Variants in TET1 observed in about 807,000 individuals in gnomAD.
TET1 encodes methylcytosine dioxygenase TET1.
In TET1, 13 loss-of-function variants were observed where a neutral mutation model predicts 148.7. The ratio of observed to expected loss-of-function variants is 0.09; its 90% confidence interval spans 0.06 to 0.14. TET1 has a LOEUF of 0.14. TET1 is among the 10% of genes least tolerant of loss of function. The pLI is 1.00. For missense variants in TET1, 2,182 were observed against 2,553.8 expected, an observed-to-expected ratio of 0.85 and a Z score of 3.14; for synonymous variants, 907 against 937.2, an observed-to-expected ratio of 0.97 and a Z score of 0.59.
At chr10:68,574,536 A>G (rs7911148) in intron 2 of TET1, among the ~76,000 whole-genome samples, 74,990 of 152,088 alleles carry the variant, frequency 0.49, 19,120 homozygotes, top group East Asian at 0.56. Context: ...TGATGGAAAC[A>G]TAGAGAAATT....
intron 3 of TET1, among the ~76,000 whole-genome samples, chr10:68,610,937 G>C (rs2054200241): frequency 2.6e-5 from 4 of 152,276 alleles, no homozygotes; most frequent in Admixed American, 2.6e-4. Context: ...ACCTTGCCCA[G>C]CTAGTAATTT....
At chr10:68,592,171 C>T (rs559221755) in intron 2 of TET1, among the ~76,000 whole-genome samples, 81 of 151,920 alleles carry the variant, frequency 5.3e-4, no homozygotes, top group Non-Finnish European at 1.0e-3. Flanking sequence ...CAAAAATTAG[C>T]TGGGCATGGT....
intron 6 of TET1, among the ~76,000 whole-genome samples, chr10:68,653,032 C>T (rs771902036): frequency 3.3e-5 from 5 of 151,420 alleles, no homozygotes; most frequent in Non-Finnish European, 5.9e-5. Flanking sequence ...GTGGTTTTAC[C>T]AGTTAGATTT....
intron 2 of TET1, among the ~76,000 whole-genome samples, chr10:68,597,029 G>GTTTTTTTTTT (rs1446597252): frequency 2.2e-5 from 2 of 90,298 alleles, no homozygotes; most frequent in African/African-American, 9.3e-5. Context: ...ACAGCTAATG[G>GTTTTTTTTTT]ATTTTTTTTT....
At chr10:68,649,389 C>T (rs936246641) in intron 4 of TET1, among the ~76,000 whole-genome samples, 10 of 152,096 alleles carry the variant, frequency 6.6e-5, no homozygotes, top group East Asian at 3.9e-4. Flanking sequence ...GGGCAGATCA[C>T]GAGGTCAGGA....
chr10:68,603,865 TG>T (rs1176871606), intron 3 of TET1, among the ~76,000 whole-genome samples: 1 of 152,240 alleles, frequency 6.6e-6, no homozygotes, highest in Non-Finnish European at 1.5e-5. Flanking sequence ...ATCTAAATCC[TG>T]ATTAGAGATT....
intron 3 of TET1, among the ~76,000 whole-genome samples, chr10:68,643,605 G>C (rs887229320): frequency 1.3e-5 from 2 of 151,970 alleles, no homozygotes; most frequent in Non-Finnish European, 2.9e-5. Flanking sequence ...CAGATCACCA[G>C]AGGTCAGGAG....
intron 8 of TET1, among the ~76,000 whole-genome samples, chr10:68,677,889 G>T (rs756727852): frequency 6.6e-6 from 1 of 152,154 alleles, no homozygotes; most frequent in Non-Finnish European, 1.5e-5. Flanking sequence ...CAAACTGCTG[G>T]GATTACAGGC....
At chr10:68,633,114 G>A (rs2054601063) in intron 3 of TET1, among the ~76,000 whole-genome samples, 1 of 152,064 alleles carries the variant, frequency 6.6e-6, no homozygotes, top group Non-Finnish European at 1.5e-5. Flanking sequence ...AACCCAGGAG[G>A]TGGAGGTTGC....
At chr10:68,666,351 C>T (rs942738130) in intron 6 of TET1, among the ~76,000 whole-genome samples, 2 of 152,186 alleles carry the variant, frequency 1.3e-5, no homozygotes, top group Non-Finnish European at 2.9e-5. Flanking sequence ...ACCACAGAGG[C>T]ATTCCTTTGT....
chr10:68,624,654 TTCTTTC>T (rs1192639091), intron 3 of TET1, among the ~76,000 whole-genome samples: 250 of 58,396 alleles, frequency 4.3e-3, no homozygotes, highest in Middle Eastern at 8.9e-3. Context: ...CTTTCTTTCT[TTCTTTC>T]TCTCTCTCTC....
In TET1 at chr10:68,572,493, T is replaced by C; in HGVS notation, c.155T>C (p.Leu52Ser). 1 of 1,613,754 alleles carries C rather than the reference T, an allele frequency of 6.2e-7. No homozygotes were observed. The highest frequency in any genetic ancestry group is 1.1e-5 in the South Asian group (1 of 90,986). The change falls in exon 2 of 12, where the codon TTA becomes TCA. Residue 52 changes from leucine to serine, a missense_variant. Physicochemically the swap from Leu to Ser is moderately radical, Grantham distance 145 (BLOSUM62 -2). Coordinates refer to ENST00000373644, the MANE Select transcript of TET1 (RefSeq NM_030625.3). ...TTAAGCCCTGGAAAATTAAAGCAATTAATTCAAGAAAGAGATGTTAAGAAA... is the reference window on the plus strand; with the variant it reads ...TTAAGCCCTGGAAAATTAAAGCAATCAATTCAAGAAAGAGATGTTAAGAAA... ...KTLSPGKLKQLIQERDVKKKT... is the reference protein window; with the variant it reads ...KTLSPGKLKQSIQERDVKKKT...
intron 7 of TET1, among the ~76,000 whole-genome samples, chr10:68,671,530 G>A (rs1006377988): frequency 1.3e-5 from 2 of 152,144 alleles, no homozygotes; most frequent in African/African-American, 4.8e-5. Context: ...GTGTCTTTAT[G>A]GTAGAACGAT....
chr10:68,567,368 T>A (rs1242302399), intron 1 of TET1, among the ~76,000 whole-genome samples: 3 of 152,120 alleles, frequency 2.0e-5, no homozygotes, highest in African/African-American at 7.2e-5. Context: ...CAGTAATTTT[T>A]AAACAGATTG....
chr10:68,661,864 A>T (rs890246748), intron 6 of TET1, among the ~76,000 whole-genome samples: 75 of 136,856 alleles, frequency 5.5e-4, no homozygotes, highest in Middle Eastern at 3.6e-3. Flanking sequence ...TTTTTAATTT[A>T]AAAAAAATTT....
At chr10:68,651,792 T>C in intron 4 of TET1, 54 bp from the exon 5 acceptor site, 1 of 1,322,960 alleles carries the variant, frequency 7.6e-7, no homozygotes, top group East Asian at 2.4e-5. Context: ...GCTTCTCCTG[T>C]CCCCTATGCA....
chr10:68,646,533 T>C lies in TET1; in HGVS notation c.3804T>C (p.Leu1268=). The change falls in exon 4 of 12, where the codon CTT becomes CTC. Residue 1268 remains leucine, a synonymous_variant. Coordinates refer to ENST00000373644, the MANE Select transcript of TET1 (RefSeq NM_030625.3). The part of the protein sequence containing the change: ...EPLDSLSLFH[L]KTESNGKAFT... ...TGGATTCACTCAGCTTATTTCATCTTAAAACGGAATCCAACGGGAAGGCAT... is the reference window on the plus strand; with the variant it reads ...TGGATTCACTCAGCTTATTTCATCTCAAAACGGAATCCAACGGGAAGGCAT... 6.2e-7 allele frequency: 1 copy of C among 1,614,182 alleles called. No individual in the cohort carries two copies. Among genetic ancestry groups the C allele is most frequent in the South Asian group, 1.1e-5 (1 of 91,080 alleles).
In TET1 at chr10:68,690,820, A is replaced by G; in HGVS notation, c.5417A>G (p.Glu1806Gly). ...SSLPTLGSNT[E>G]TVQPEVKSET... ...TGTCCTTGTTTAGGGAGTAACACTG[A>G]GACCGTGCAACCTGAAGTAAAAAGT... Residue 1806 changes from glutamate to glycine, a missense_variant, in exon 12 of 12, where the codon GAG becomes GGG. This residue lies in a region of TET1 where 380 missense variants were observed against 387.9 expected (regional missense o/e 0.98). Coordinates refer to ENST00000373644, the MANE Select transcript of TET1 (RefSeq NM_030625.3). The G allele has an allele frequency of 6.2e-7, 1 of 1,604,782 alleles. No homozygotes were observed. Among genetic ancestry groups the G allele is most frequent in the Non-Finnish European group, 8.5e-7 (1 of 1,173,408 alleles).
intron 3 of TET1, among the ~76,000 whole-genome samples, chr10:68,610,355 C>T (rs2054189167): frequency 6.6e-6 from 1 of 150,872 alleles, no homozygotes; most frequent in African/African-American, 2.4e-5. Context: ...GAGGCCGAGG[C>T]GGTGGATCAC....
Sources: allele counts gnomAD v4.1 joint callset (sites outside exome capture counted in the v4.1 genomes callset), GRCh38; gene constraint gnomAD v4.1.1; regional missense constraint gnomAD v4.1.1; transcripts MANE v1.5; gene names NCBI Gene and HGNC (gene_info 2026-07-23, HGNC 2026-07-21).